The following DIS3L2 variants were observed in gnomAD, a reference collection of about 807,000 sequenced individuals.
DIS3L2 encodes DIS3-like exonuclease 2.
In DIS3L2, 34 loss-of-function variants were observed where a neutral mutation model predicts 97.5. The ratio of observed to expected loss-of-function variants is 0.35; its 90% CI spans 0.27 to 0.46. The LOEUF (loss-of-function observed/expected upper bound fraction) is 0.46, where lower values mean the gene tolerates loss of function less well. Among genes scored for constraint, DIS3L2 ranks in the 20% least tolerant of loss-of-function variants. DIS3L2 has a pLI of 1.00. For synonymous variants in DIS3L2, 435 were observed against 445.2 expected, an observed-to-expected ratio of 0.98 and a Z score of 0.29; for missense variants, 1,038 against 1,146.0, an observed-to-expected ratio of 0.91 and a Z score of 1.36.
intron 3 of DIS3L2, among the ~76,000 whole-genome samples, chr2:232,017,464 A>T (rs1484599373): frequency 6.6e-6 from 1 of 152,104 alleles, no homozygotes; most frequent in East Asian, 1.9e-4. Flanking sequence ...CTTAGGAGAG[A>T]TGAAGCTGCA....
In DIS3L2 at chr2:231,980,611, T is replaced by A. The variant is rs534433692; in HGVS notation, c.-94+18846T>A. Among the ~76,000 whole-genome samples the A allele has an allele frequency of 4.6e-5, 7 of 152,144 alleles. 1 individual carries two copies. In the South Asian group the frequency reaches 1.5e-3, roughly 32 times the overall value. On this transcript the variant is annotated intron_variant, in intron 1 of 20. Transcript: ENST00000325385. ...TACTTGGGAGGCTGAGGCAGGAGAATCACTTGAACCCAGGAGGTGGAGGTT... is the reference window on the plus strand; with the variant it reads ...TACTTGGGAGGCTGAGGCAGGAGAAACACTTGAACCCAGGAGGTGGAGGTT...
intron 1 of DIS3L2, among the ~76,000 whole-genome samples, chr2:231,976,628 C>CAAAAAAAAAAAAA (rs763912124): frequency 8.2e-6 from 1 of 122,532 alleles, no homozygotes. Flanking sequence ...GACCCTCTCT[C>CAAAAAAAAAAAAA]AAAAAAAAAA....
chr2:232,339,921 G>T (rs563031133), downstream of DIS3L2, among the ~76,000 whole-genome samples: 216 of 152,290 alleles, frequency 1.4e-3, 1 homozygote, highest in African/African-American at 5.1e-3. Context: ...GGAGAGCCAG[G>T]AACAGGCCAG....
intron 1 of DIS3L2, among the ~76,000 whole-genome samples, chr2:231,985,620 T>C (rs1693389065): frequency 6.6e-6 from 1 of 152,220 alleles, no homozygotes; most frequent in South Asian, 2.1e-4. Context: ...GGTAACATTT[T>C]GTCCCATTTG....
chr2:232,322,756 G>C (rs916439245), intron 14 of DIS3L2, among the ~76,000 whole-genome samples: 2 of 152,246 alleles, frequency 1.3e-5, no homozygotes, highest in African/African-American at 4.8e-5. Context: ...GCGTGTGTAT[G>C]TGCAGGAGAG....
intron 1 of DIS3L2, among the ~76,000 whole-genome samples, chr2:231,975,492 G>A (rs1320636546): frequency 1.3e-5 from 2 of 151,614 alleles, no homozygotes; most frequent in African/African-American, 2.4e-5. Flanking sequence ...CACGAGGTCC[G>A]GAGATTGAGA....
rs906976692 is a variant in DIS3L2 at position 232,337,084 on chromosome 2, A to C, written c.*454A>C. ...ACCCCTCGCTGCTGAGCCGATGTCA[A>C]CACCTGGAACTTTCCTGTCAGTTCC... On this transcript the variant is annotated 3_prime_UTR_variant, in exon 21 of 21. Transcript: ENST00000325385. 3.9e-6 allele frequency: 4 copies of C among 1,025,750 alleles called. No homozygotes were observed. The highest frequency in any genetic ancestry group is 1.1e-4 in the East Asian group (1 of 9,364). 63.5% of individuals were successfully genotyped at this position (1,025,750 alleles called of 1,614,324 possible).
intron 8 of DIS3L2, among the ~76,000 whole-genome samples, chr2:232,142,579 A>C (rs538862301): frequency 6.6e-6 from 1 of 152,132 alleles, no homozygotes; most frequent in African/African-American, 2.4e-5. Flanking sequence ...TTCACTCTTA[A>C]ATTTCAAGAC....
At chr2:232,041,923 T>A (rs1695120062) in intron 5 of DIS3L2, among the ~76,000 whole-genome samples, 1 of 152,232 alleles carries the variant, frequency 6.6e-6, no homozygotes, top group Admixed American at 6.5e-5. Context: ...AAAGTGGGAA[T>A]AAATCAGTCA....
At chr2:232,306,012 T>C (rs986052996) in intron 14 of DIS3L2, among the ~76,000 whole-genome samples, 1 of 152,068 alleles carries the variant, frequency 6.6e-6, no homozygotes, top group Non-Finnish European at 1.5e-5. Flanking sequence ...GAGTTCCACA[T>C]ACTGTGGGTT....
At chr2:232,079,982 T>C (rs535523486) in intron 5 of DIS3L2, among the ~76,000 whole-genome samples, 1 of 152,354 alleles carries the variant, frequency 6.6e-6, no homozygotes, top group South Asian at 2.1e-4. Context: ...GTTGGGAGAA[T>C]GACATGATCT....
At chr2:232,294,106 C>T (rs1455099999) in intron 13 of DIS3L2, among the ~76,000 whole-genome samples, 2 of 152,204 alleles carry the variant, frequency 1.3e-5, no homozygotes, top group African/African-American at 4.8e-5. Context: ...TTCTGGCCCG[C>T]ATGACCAGAA....
chr2:232,186,248 G>C (rs578131375), intron 9 of DIS3L2, among the ~76,000 whole-genome samples: 1 of 152,200 alleles, frequency 6.6e-6, no homozygotes, highest in African/African-American at 2.4e-5. Flanking sequence ...AGATACTGCA[G>C]CCATTTAAAG....
intron 13 of DIS3L2, chr2:232,342,998 G>C (rs141671579): frequency 3.1e-5 from 6 of 196,608 alleles, no homozygotes; most frequent in Admixed American, 1.7e-4. Flanking sequence ...AGAGTGGGGG[G>C]GCTGGGAGGG....
At chr2:232,337,609 CCTCCGTGGGGGAAG>C (rs991894326), downstream of DIS3L2, among the ~76,000 whole-genome samples, 1 of 152,094 alleles carries the variant, frequency 6.6e-6, no homozygotes, top group African/African-American at 2.4e-5. Flanking sequence ...ACTCCTTCCC[CCTCCGTGGGGGAAG>C]CTCCGTGGCT....
At chr2:232,028,550 T>C (rs1694721018) in intron 4 of DIS3L2, among the ~76,000 whole-genome samples, 1 of 152,184 alleles carries the variant, frequency 6.6e-6, no homozygotes, top group Admixed American at 6.5e-5. Flanking sequence ...CTGAAATCTC[T>C]GCGCTGCCAA....
chr2:232,202,833 T>C (rs1691932215), intron 9 of DIS3L2, among the ~76,000 whole-genome samples: 1 of 152,206 alleles, frequency 6.6e-6, no homozygotes, highest in Non-Finnish European at 1.5e-5. Context: ...GCATCTTTTG[T>C]GTGAGTAGAA....
intron 13 of DIS3L2, among the ~76,000 whole-genome samples, chr2:232,264,522 T>G (rs1693804345): frequency 6.6e-6 from 1 of 152,170 alleles, no homozygotes; most frequent in Non-Finnish European, 1.5e-5. Context: ...TGTTTTGTAT[T>G]ATGGACTTTT....
intron 6 of DIS3L2, among the ~76,000 whole-genome samples, chr2:232,089,040 G>A (rs112574534): frequency 0.013 from 2,032 of 152,296 alleles, 55 homozygotes; most frequent in African/African-American, 0.046. Flanking sequence ...CAGACAACTC[G>A]TTTAGGGACT....
Sources: allele counts gnomAD v4.1 joint callset (sites outside exome capture counted in the v4.1 genomes callset), GRCh38; gene constraint gnomAD v4.1.1; transcripts MANE v1.5; gene names NCBI Gene and HGNC (gene_info 2026-07-23, HGNC 2026-07-21).